Variants in GDPD5 observed in about 807,000 individuals in gnomAD.
GDPD5 encodes glycerophosphodiester phosphodiesterase domain containing 5.
In GDPD5, 48 loss-of-function variants were observed where a neutral mutation model predicts 75.1. That is an observed-to-expected ratio of 0.64 (90% CI 0.51 to 0.81). The LOEUF is 0.81. Among genes scored for constraint, GDPD5 ranks in the 40% least tolerant of loss-of-function variants. The pLI is 0.00. For missense variants in GDPD5, 706 were observed against 822.6 expected (o/e 0.86, Z 1.73); for synonymous variants, 336 against 339.0 (o/e 0.99, Z 0.10).
intron 1 of GDPD5, chr11:75,508,333 G>A (rs764998852): frequency 1.3e-5 from 2 of 152,234 alleles, no homozygotes; most frequent in Non-Finnish European, 2.9e-5. Context: ...CCTAGCATTA[G>A]ATCTGCCTTG....
In GDPD5 at chr11:75,449,605, T is replaced by C. The variant is rs1202749305; in HGVS notation, c.480A>G (p.Thr160=). Residue 160 remains threonine (T), a synonymous_variant, in exon 8 of 17, where the codon ACA becomes ACG. Coordinates refer to ENST00000336898, the MANE Select transcript of GDPD5 (RefSeq NM_030792.8). ...WEVLLISLQG[T]APFLHVGAVA... ...CAGCCCCCACATGCAGGAATGGCGCTGTGCCCTGTTTGCAGGGAGAGGGAA... is the reference window on the plus strand; with the variant it reads ...CAGCCCCCACATGCAGGAATGGCGCCGTGCCCTGTTTGCAGGGAGAGGGAA... 3 of 1,575,806 alleles carry C rather than the reference T, an allele frequency of 1.9e-6. No homozygotes were observed. The highest frequency in any genetic ancestry group is 1.7e-6 in the Non-Finnish European group (2 of 1,160,626).
At chr11:75,518,207 A>G (rs1329064143) in intron 1 of GDPD5, among the ~76,000 whole-genome samples, 1 of 152,012 alleles carries the variant, frequency 6.6e-6, no homozygotes. Context: ...CGTTATTGTC[A>G]TTTTTCAGAT....
intron 2 of GDPD5, among the ~76,000 whole-genome samples, chr11:75,483,628 C>T (rs111986009): frequency 3.3e-5 from 5 of 152,256 alleles, no homozygotes; most frequent in African/African-American, 1.2e-4. Context: ...CTTACTTTAC[C>T]CATCAGGGAA....
At chr11:75,496,319 T>C (rs1216989941) in intron 1 of GDPD5, among the ~76,000 whole-genome samples, 1 of 152,246 alleles carries the variant, frequency 6.6e-6, no homozygotes. Flanking sequence ...TGCCCACTGC[T>C]CTTCCTGGCA....
intron 9 of GDPD5, among the ~76,000 whole-genome samples, chr11:75,446,128 G>C (rs1948980712): frequency 6.6e-6 from 1 of 152,226 alleles, no homozygotes; most frequent in African/African-American, 2.4e-5. Context: ...GGGACCACTT[G>C]ACAGGGGTCC....
At chr11:75,441,378 G>A (rs1207109920) in intron 13 of GDPD5, 68 bp from the exon 14 acceptor site, 1 of 1,582,514 alleles carries the variant, frequency 6.3e-7, no homozygotes, top group African/African-American at 1.3e-5. Context: ...GTCGGGGCTG[G>A]TAAAGCACGT....
chr11:75,505,396 AGGCATT>A (rs1565217770), intron 1 of GDPD5, among the ~76,000 whole-genome samples: 1 of 149,626 alleles, frequency 6.7e-6, no homozygotes, highest in Non-Finnish European at 1.5e-5. Context: ...AGAGGAGAGC[AGGCATT>A]GGCTTGGAAG....
intron 2 of GDPD5, among the ~76,000 whole-genome samples, chr11:75,484,061 G>A (rs184451643): frequency 7.2e-5 from 11 of 152,226 alleles, no homozygotes; most frequent in Admixed American, 2.0e-4. Flanking sequence ...AGTGGCAGGC[G>A]CCTGTAATCC....
intron 1 of GDPD5, among the ~76,000 whole-genome samples, chr11:75,507,909 G>A (rs952799511): frequency 2.6e-5 from 4 of 151,698 alleles, no homozygotes; most frequent in South Asian, 2.1e-4. Flanking sequence ...CCCTTGACCC[G>A]CACTCTGGGC....
chr11:75,436,840 C>T, intron 16 of GDPD5, 96 bp downstream of exon 16: 1 of 891,350 alleles, frequency 1.1e-6, no homozygotes. Flanking sequence ...CCATATGTGC[C>T]ACATGTGAAT....
chr11:75,441,131 G>GC (rs1172531120), intron 14 of GDPD5, 32 bp downstream of exon 14: 6 of 1,608,074 alleles, frequency 3.7e-6, no homozygotes, highest in South Asian at 1.1e-5. Context: ...CTCCAGCACT[G>GC]CCCCCCAGGG....
chr11:75,450,293 A>G, intron 6 of GDPD5: 1 of 472,088 alleles, frequency 2.1e-6, no homozygotes, highest in South Asian at 2.5e-5. Flanking sequence ...GAGGACATTC[A>G]GTAAGGGGGA....
intron 1 of GDPD5, among the ~76,000 whole-genome samples, chr11:75,494,993 C>T (rs1464264237): frequency 1.3e-5 from 2 of 151,182 alleles, no homozygotes; most frequent in Non-Finnish European, 2.9e-5. Flanking sequence ...ATAGGCTGGA[C>T]ATGGTGGCTC....
At chr11:75,470,062 C>G (rs1045588079) in intron 3 of GDPD5, among the ~76,000 whole-genome samples, 1 of 152,170 alleles carries the variant, frequency 6.6e-6, no homozygotes, top group Admixed American at 6.5e-5. Context: ...AGCCCGGATC[C>G]TTAACATTGT....
chr11:75,511,934 C>T (rs1478782553), intron 1 of GDPD5, among the ~76,000 whole-genome samples: 1 of 152,184 alleles, frequency 6.6e-6, no homozygotes, highest in East Asian at 1.9e-4. Flanking sequence ...ATGCTATTCT[C>T]AGGGCTGTTG....
chr11:75,443,949 T>C (rs969629036), intron 10 of GDPD5, among the ~76,000 whole-genome samples: 1 of 152,258 alleles, frequency 6.6e-6, no homozygotes, highest in Non-Finnish European at 1.5e-5. Flanking sequence ...TGTACAACTA[T>C]ATATGACAGT....
At chr11:75,449,238 A>C (rs1949066325) in intron 8 of GDPD5, 116 bp from the exon 9 acceptor site, 6 of 1,285,478 alleles carry the variant, frequency 4.7e-6, no homozygotes, top group Non-Finnish European at 6.4e-6. Context: ...GGAAGCCCTT[A>C]TTCTTGCTGG....
intron 11 of GDPD5, 126 bp from the exon 12 acceptor site, chr11:75,442,707 T>C: frequency 1.3e-6 from 1 of 793,276 alleles, no homozygotes; most frequent in Non-Finnish European, 2.0e-6. Context: ...GGCAGATTGA[T>C]GGCTGTGGCC....
At chr11:75,442,290 G>C (rs999017956) in intron 12 of GDPD5, 73 bp downstream of exon 12, 2 of 1,168,722 alleles carry the variant, frequency 1.7e-6, no homozygotes, top group African/African-American at 3.1e-5. Context: ...GTGCAACAGG[G>C]AAAGGCTATG....
Sources: gnomAD v4.1 joint callset for allele counts (sites outside exome capture counted in the v4.1 genomes callset) on GRCh38, gnomAD v4.1.1 for gene constraint, MANE v1.5 for transcripts, NCBI Gene and HGNC (gene_info 2026-07-23, HGNC 2026-07-21) for gene names.